DNAJC8: variants seen among roughly 807,000 people sequenced by gnomAD.
DNAJC8 encodes the protein dnaJ homolog subfamily C member 8.
Under a neutral mutation model 43.2 loss-of-function variants are expected in DNAJC8, and 24 were observed. That is an observed-to-expected ratio of 0.56 (90% CI 0.40 to 0.78). The LOEUF (loss-of-function observed/expected upper bound fraction) is 0.78. Among genes scored for constraint, DNAJC8 ranks in the 30% least tolerant of loss-of-function variants. The probability of loss-of-function intolerance (pLI) is 0.00; values close to 1 mark genes in which losing one functional copy is unlikely to be tolerated. For synonymous variants in DNAJC8, 83 were observed against 98.0 expected (o/e 0.85, Z 0.90); for missense variants, 207 against 299.4 (o/e 0.69, Z 2.28).
chr1:28,200,558 T>C lies in DNAJC8; in HGVS notation c.*690A>G. ...TACAAGGAAAAGTACATCAATGGCT[T>C]GGGTATAAAAATTTATTATACATAA... On this transcript the variant is annotated 3_prime_UTR_variant, in exon 9 of 9. Coordinates refer to ENST00000263697, the MANE Select transcript of DNAJC8 (RefSeq NM_014280.3). The C allele has an allele frequency of 2.2e-6, 1 of 456,492 alleles. No individual in the cohort carries two copies. The highest frequency in any genetic ancestry group is 4.4e-6 in the Non-Finnish European group (1 of 226,804). The allele number at this position is 456,492 out of a possible 1,614,324, so 28.3% of individuals were successfully genotyped here.
intron 2 of DNAJC8, among the ~76,000 whole-genome samples, chr1:28,221,741 C>T (rs1046422696): frequency 3.3e-5 from 5 of 152,262 alleles, no homozygotes; most frequent in African/African-American, 1.2e-4. Context: ...ATCATCTTCC[C>T]CTAGGCCCTC....
chr1:28,215,123 G>A, intron 2 of DNAJC8, 127 bp from the exon 3 acceptor site: 2 of 636,218 alleles, frequency 3.1e-6, no homozygotes, highest in Non-Finnish European at 5.1e-6. Context: ...TAGAACACAG[G>A]CTGGCACACA....
intron 3 of DNAJC8, among the ~76,000 whole-genome samples, chr1:28,212,171 A>AAATT (rs1646816251): frequency 1.5e-5 from 1 of 67,044 alleles, no homozygotes; most frequent in Non-Finnish European, 2.8e-5. Flanking sequence ...ATAAATAAAT[A>AAATT]TATATATATA....
intron 1 of DNAJC8, among the ~76,000 whole-genome samples, chr1:28,232,213 T>C (rs975600191): frequency 1.7e-4 from 26 of 152,208 alleles, no homozygotes; most frequent in African/African-American, 6.0e-4. Context: ...ATTACAGATG[T>C]GAGCCACTGT....
At position 28,228,779 on chromosome 1, in the gene DNAJC8, C is replaced by G. The variant is rs1316035057; in HGVS notation, c.180+143G>C. The G allele has an allele frequency of 7.6e-6, 5 of 659,302 alleles. No homozygotes were observed. The East Asian group carries it at 1.1e-4, about 14-fold the overall frequency. The allele number at this position is 659,302 out of a possible 1,614,324, so 40.8% of individuals were successfully genotyped here. ...TGGATAAGGAATACTCAATTTTGTA[C>G]TATACAGATTCCATCACTTTACTCC... On this transcript the variant is annotated intron_variant, in intron 2 of 8. Transcript: ENST00000263697.
At chr1:28,205,908 G>A (rs544478257) in intron 6 of DNAJC8, among the ~76,000 whole-genome samples, 41 of 152,080 alleles carry the variant, frequency 2.7e-4, no homozygotes, top group African/African-American at 9.4e-4. Context: ...AATTAGCGGG[G>A]CATGGTGGTG....
chr1:28,228,910 C>T lies in DNAJC8; in HGVS notation c.180+12G>A. On this transcript the variant is annotated intron_variant, in intron 2 of 8. Coordinates refer to ENST00000263697, the MANE Select transcript of DNAJC8 (RefSeq NM_014280.3). ...CCCATTACAGAGGCCCTAGCAACAT[C>T]AATCGGCTCACCTCAAATGGGTTCA... 6.2e-7 allele frequency: 1 copy of T among 1,610,170 alleles called. No individual in the cohort carries two copies. The highest frequency in any genetic ancestry group is 1.1e-5 in the South Asian group (1 of 90,880).
In DNAJC8 at chr1:28,200,473, G is replaced by A. The variant is rs1044289925; in HGVS notation, c.*775C>T. 2.2e-5 allele frequency: 10 copies of A among 456,360 alleles called. No individual in the cohort carries two copies. Among genetic ancestry groups the A allele is most frequent in the Admixed American group, 1.2e-4 (5 of 42,544 alleles). 28.3% of individuals were successfully genotyped at this position (456,360 alleles called of 1,614,324 possible). A position where few individuals can be genotyped will look rare whatever the true frequency, so the allele number is the denominator to read the frequency against. On this transcript the variant is annotated 3_prime_UTR_variant, in exon 9 of 9. Transcript: ENST00000263697. ...AAGAAACTAAGGTTCAGCCAGGTCT[G>A]TCCAACCCCAAAGCATTTTGGGGTT...
chr1:28,228,554 C>G (rs1384813296), intron 2 of DNAJC8, among the ~76,000 whole-genome samples: 1 of 152,080 alleles, frequency 6.6e-6, no homozygotes, highest in Non-Finnish European at 1.5e-5. Flanking sequence ...TTACATATCC[C>G]TAATCCAAAA....
At chr1:28,222,816 G>A (rs535477595) in intron 2 of DNAJC8, among the ~76,000 whole-genome samples, 3 of 152,158 alleles carry the variant, frequency 2.0e-5, no homozygotes, top group South Asian at 4.2e-4. Context: ...CTAACATGGT[G>A]TACAAAGAAG....
At chr1:28,228,711 C>CA (rs1646954321) in intron 2 of DNAJC8, among the ~76,000 whole-genome samples, 1 of 152,008 alleles carries the variant, frequency 6.6e-6, no homozygotes, top group Non-Finnish European at 1.5e-5. Context: ...TCCAAAATCC[C>CA]AAAAAAATCC....
At chr1:28,210,451 C>T (rs2149016693) in intron 4 of DNAJC8, 120 bp downstream of exon 4, 1 of 862,080 alleles carries the variant, frequency 1.2e-6, no homozygotes, top group Non-Finnish European at 1.8e-6. Flanking sequence ...TACTGAAAAC[C>T]ACAGCTTCTT....
intron 2 of DNAJC8, among the ~76,000 whole-genome samples, chr1:28,216,699 G>A (rs1437411000): frequency 2.0e-5 from 3 of 151,842 alleles, no homozygotes; most frequent in African/African-American, 7.2e-5. Flanking sequence ...GGGCCCATTT[G>A]CATGTGGACT....
intron 3 of DNAJC8, 39 bp downstream of exon 3, chr1:28,214,901 A>T (rs745835621): frequency 4.5e-6 from 7 of 1,541,404 alleles, no homozygotes; most frequent in Non-Finnish European, 6.2e-6. Context: ...TGTGCTTCAT[A>T]CATTTTCAAA....
chr1:28,201,964 C>T (rs1646736856), intron 8 of DNAJC8, among the ~76,000 whole-genome samples: 1 of 151,662 alleles, frequency 6.6e-6, no homozygotes, highest in African/African-American at 2.4e-5. Context: ...TGGCGCATGC[C>T]TGTTAATCCC....
chr1:28,230,982 C>G (rs17185136), intron 1 of DNAJC8, among the ~76,000 whole-genome samples: 7,020 of 152,282 alleles, frequency 0.046, 233 homozygotes, highest in Non-Finnish European at 0.075. Context: ...CATCTTCTGC[C>G]TTGTTTAACC....
chr1:28,223,402 G>A (rs755054997), intron 2 of DNAJC8, among the ~76,000 whole-genome samples: 9 of 152,118 alleles, frequency 5.9e-5, no homozygotes, highest in African/African-American at 1.7e-4. Context: ...CCACATGGAA[G>A]GGTGGCCTGA....
chr1:28,208,739 T>C (rs1448996134), intron 5 of DNAJC8: 1 of 176,246 alleles, frequency 5.7e-6, no homozygotes, highest in Non-Finnish European at 1.2e-5. Context: ...CTTTCTTGGC[T>C]TGTGGTTATG....
Position 28,232,981 on chromosome 1 carries a change from C to G in DNAJC8, c.18G>C (p.Glu6Asp), listed in dbSNP as rs557783227. The G allele has an allele frequency of 2.1e-4, 338 of 1,612,802 alleles. 7 individuals are homozygous for G. In the South Asian group the frequency reaches 3.4e-3, roughly 16 times the overall value. The change falls in exon 1 of 9, where the codon GAG becomes GAC. Residue 6 changes from glutamate to aspartate, a missense_variant. Physicochemically the swap from Glu to Asp is conservative, Grantham distance 45 (BLOSUM62 2). Coordinates refer to ENST00000263697, the MANE Select transcript of DNAJC8 (RefSeq NM_014280.3). ...TGCCTCCGCCGCCTGAAGTCCCGCT[C>G]TCTCCTGAAGCCGCCATTTCCCCGG... MAASG[E>D]SGTSGGGGST...
Sources: allele counts gnomAD v4.1 joint callset (sites outside exome capture counted in the v4.1 genomes callset), GRCh38; gene constraint gnomAD v4.1.1; transcripts MANE v1.5; gene names NCBI Gene and HGNC (gene_info 2026-07-23, HGNC 2026-07-21).